NANOGP8: variants seen among roughly 807,000 people sequenced by gnomAD.
NANOGP8 encodes the protein homeobox protein NANOGP8.
For synonymous variants in NANOGP8, 84 were observed against 125.9 expected (o/e 0.67, Z 2.23); for missense variants, 220 against 353.4 (o/e 0.62, Z 3.03).
Position 35,085,174 on chromosome 15 carries a change from T to C in NANOGP8, c.-64A>G. On this transcript the variant is annotated 5_prime_UTR_variant, in exon 1 of 1. Coordinates refer to ENST00000528386, the MANE Select transcript of NANOGP8 (RefSeq NM_001355281.2). ...GGACTGGAAAAAAGGTTAAGGCAGCTTTAAGACTTTTCTGGAAGATGTTAG... is the reference window on the plus strand; with the variant it reads ...GGACTGGAAAAAAGGTTAAGGCAGCCTTAAGACTTTTCTGGAAGATGTTAG... 1 of 881,386 alleles carries C rather than the reference T, an allele frequency of 1.1e-6. No individual in the cohort carries two copies. 54.6% of individuals were successfully genotyped at this position (881,386 alleles called of 1,614,324 possible). A position where few individuals can be genotyped will look rare whatever the true frequency, so the allele number is the denominator to read the frequency against.
Position 35,084,924 on chromosome 15 carries a change from G to C in NANOGP8, c.187C>G (p.Gln63Glu). Reference sequence around the variant, plus strand: ...CTGGTGGAAGAATCAGGGCTGTCCTGAATAAGCAGATCCATGGAGGAAGGA... The same window carrying C: ...CTGGTGGAAGAATCAGGGCTGTCCTCAATAAGCAGATCCATGGAGGAAGGA... Reference protein sequence around the residue: ...PLPSSMDLLIQDSPDSSTSPK... With the variant: ...PLPSSMDLLIEDSPDSSTSPK... Residue 63 changes from glutamine (Q) to glutamate (E), a missense_variant, in exon 1 of 1, where the codon CAG (glutamine) becomes GAG (glutamate). Coordinates refer to ENST00000528386, the MANE Select transcript of NANOGP8 (RefSeq NM_001355281.2). The C allele has an allele frequency of 3.1e-6, 5 of 1,611,960 alleles. No individual in the cohort carries two copies. The highest frequency in any genetic ancestry group is 4.2e-6 in the Non-Finnish European group (5 of 1,179,058).
Position 35,084,690 on chromosome 15 carries a change from T to C in NANOGP8, c.421A>G (p.Thr141Ala), listed in dbSNP as rs552615594. ...ILNLSYKQVK[T>A]WFQNQRMKSK... ...TTCATTCTCTGGTTCTGGAACCAGG[T>C]CTTCACCTGTTTGTAGCTGAGGTTC... The change falls in exon 1 of 1, where the codon ACC (threonine) becomes GCC (alanine). Residue 141 changes from threonine (T) to alanine (A), a missense_variant. By Grantham distance (58) the Thr-to-Ala change is moderately conservative (BLOSUM62 0). Transcript: ENST00000528386. 122 of 1,614,146 alleles carry C rather than the reference T, an allele frequency of 7.6e-5. No homozygotes were observed. In the African/African-American group the frequency reaches 1.5e-3, roughly 20 times the overall value.
In NANOGP8 at chr15:35,085,231, A is replaced by G. The variant is rs2050910479; in HGVS notation, c.-121T>C. 1 of 633,028 alleles carries G rather than the reference A, an allele frequency of 1.6e-6. No homozygotes were observed. The highest frequency in any genetic ancestry group is 2.8e-6 in the Non-Finnish European group (1 of 363,022). The allele number at this position is 633,028 out of a possible 1,614,324, so 39.2% of individuals were successfully genotyped here. A position where few individuals can be genotyped will look rare whatever the true frequency, so the allele number is the denominator to read the frequency against. ...AGGACCTCCAGAAGGAAAAGTATCA[A>G]GAAATTGGGATAAAGTGAGTTGCCT... On this transcript the variant is annotated 5_prime_UTR_variant, in exon 1 of 1. Transcript: ENST00000528386.
Position 35,084,551 on chromosome 15 carries a change from A to T in NANOGP8, c.560T>A (p.Val187Glu). Residue 187 changes from valine to glutamate, a missense_variant, in exon 1 of 1, where the codon GTG (valine) becomes GAG (glutamate). Physicochemically the swap from Val to Glu is moderately radical, Grantham distance 121 (BLOSUM62 -2). Transcript: ENST00000528386. ...LYSSYHQGCL[V>E]NPTGNLPMWS... is the part of the protein sequence containing the mutation. ...CATTGGAAGGTTCCCAGTCGGGTTC[A>T]CCAGGCATCCCTGGTGGTAGGAAGA... 1 of 1,613,580 alleles carries T rather than the reference A, an allele frequency of 6.2e-7. No homozygotes were observed. Among genetic ancestry groups the T allele is most frequent in the South Asian group, 1.1e-5 (1 of 91,014 alleles).
At position 35,084,611 on chromosome 15, in the gene NANOGP8, T is replaced by G. The variant is rs369801105; in HGVS notation, c.500A>C (p.Gln167Pro). The G allele has an allele frequency of 1.9e-6, 3 of 1,614,020 alleles. No homozygotes were observed. Among genetic ancestry groups the G allele is most frequent in the South Asian group, 1.1e-5 (1 of 91,072 alleles). Residue 167 changes from glutamine (Q) to proline (P), a missense_variant, in exon 1 of 1, where the codon CAG (glutamine) becomes CCG (proline). Transcript: ENST00000528386. ...NWPKNSNGVT[Q>P]KASAPTYPSL... ...GGGGTAGGTAGGTGCTGAGGCCTTCTGCGTCACACCATTGCTATTCTTCGG... is the reference window on the plus strand; with the variant it reads ...GGGGTAGGTAGGTGCTGAGGCCTTCGGCGTCACACCATTGCTATTCTTCGG...
Position 35,084,838 on chromosome 15 carries a change from G to T in NANOGP8, c.273C>A (p.Val91=). Residue 91 remains valine (V), a synonymous_variant, in exon 1 of 1, where the codon GTC becomes GTA. Coordinates refer to ENST00000528386, the MANE Select transcript of NANOGP8 (RefSeq NM_001355281.2). ...TTCTGGTCTTCTGTTTCTTGACCGG[G>T]ACCTTGTCTTCCTTTTTTGCGACAC... ...ENSVAKKEDK[V]PVKKQKTRTV... 6.2e-7 allele frequency: 1 copy of T among 1,613,982 alleles called. No homozygotes were observed. The highest frequency in any genetic ancestry group is 1.1e-5 in the South Asian group (1 of 91,070).
In NANOGP8 at chr15:35,083,433, G is replaced by GT. The variant is rs2050898591; in HGVS notation, c.*759dup. On this transcript the variant is annotated 3_prime_UTR_variant, in exon 1 of 1. Coordinates refer to ENST00000528386, the MANE Select transcript of NANOGP8 (RefSeq NM_001355281.2). Reference sequence around the variant, plus strand: ...ATATAGCAAAACAGAGCCAAAAACGGTAAGAAATCAATTAAGTATGTTACA... The same window carrying GT: ...ATATAGCAAAACAGAGCCAAAAACGGTTAAGAAATCAATTAAGTATGTTACA... Among the ~76,000 whole-genome samples, 1 of 152,010 alleles carries GT rather than the reference G, an allele frequency of 6.6e-6. No individual in the cohort carries two copies. Among genetic ancestry groups the GT allele is most frequent in the South Asian group, 2.1e-4 (1 of 4,834 alleles).
rs2050909502 is a variant in NANOGP8, at chr15:35,085,003, T to C, written c.108A>G (p.Pro36=). The C allele has an allele frequency of 7.5e-6, 12 of 1,608,590 alleles. No homozygotes were observed. In the Admixed American group the frequency reaches 1.5e-4, roughly 20 times the overall value. ...TCTCAGCAGAAGACATTTGCAAGGATGGATAGTTTTCTTCAGGCCCACAAA... is the reference window on the plus strand; with the variant it reads ...TCTCAGCAGAAGACATTTGCAAGGACGGATAGTTTTCTTCAGGCCCACAAA... The part of the protein sequence containing the change: ...PVICGPEENY[P]SLQMSSAEMP... The change falls in exon 1 of 1, where the codon CCA becomes CCG. Residue 36 remains proline, a synonymous_variant. Transcript: ENST00000528386.
At position 35,084,815 on chromosome 15, in the gene NANOGP8, C is replaced by T; in HGVS notation, c.296G>A (p.Arg99Lys). 1.2e-6 allele frequency: 2 copies of T among 1,613,984 alleles called. No homozygotes were observed. The highest frequency in any genetic ancestry group is 1.7e-4 in the Middle Eastern group (1 of 6,056). ...CAGCTGGGTGGAAGAGAACACAGTT[C>T]TGGTCTTCTGTTTCTTGACCGGGAC... ...DKVPVKKQKT[R>K]TVFSSTQLCV... Residue 99 changes from arginine (R) to lysine (K), a missense_variant, in exon 1 of 1, where the codon AGA becomes AAA. Transcript: ENST00000528386.
rs2050909522 is a variant in NANOGP8 at position 35,085,007 on chromosome 15, T to A, written c.104A>T (p.Tyr35Phe). The A allele has an allele frequency of 6.2e-7, 1 of 1,608,274 alleles. No homozygotes were observed. The change falls in exon 1 of 1, where the codon TAT (tyrosine) becomes TTT (phenylalanine). Residue 35 changes from tyrosine to phenylalanine, a missense_variant. Transcript: ENST00000528386. ...AGCAGAAGACATTTGCAAGGATGGA[T>A]AGTTTTCTTCAGGCCCACAAATCAC... The part of the protein sequence containing the change: ...MPVICGPEEN[Y>F]PSLQMSSAEM...
rs1271203159 is a variant in NANOGP8, at chr15:35,083,689, T to A, written c.*504A>T. Among the ~76,000 whole-genome samples, 1 of 143,412 alleles carries A rather than the reference T, an allele frequency of 7.0e-6. No homozygotes were observed. Among genetic ancestry groups the A allele is most frequent in the Non-Finnish European group, 1.5e-5 (1 of 65,324 alleles). 94.1% of individuals were successfully genotyped at this position (143,412 alleles called of 152,430 possible). The stretch of plus-strand genomic sequence containing the variant: ...GGCAGGGCGCGGTGGCTCACGCCTG[T>A]AAATCCCAGCTGTTAGGGAGGCCGA... On this transcript the variant is annotated 3_prime_UTR_variant, in exon 1 of 1. Transcript: ENST00000528386.
chr15:35,084,754 G>A lies in NANOGP8; in HGVS notation c.357C>T (p.Tyr119=), dbSNP rs1397547181. 1.1e-5 allele frequency: 17 copies of A among 1,613,978 alleles called. No homozygotes were observed. The highest frequency in any genetic ancestry group is 1.3e-5 in the African/African-American group (1 of 74,940). Residue 119 remains tyrosine (Y), a synonymous_variant, in exon 1 of 1, where the codon TAC becomes TAT. Coordinates refer to ENST00000528386, the MANE Select transcript of NANOGP8 (RefSeq NM_001355281.2). ...GTTCTTGCATCTGCTGGAGGCTGAGGTATTTCTGTCTCTGAAATCTATCAT... is the reference window on the plus strand; with the variant it reads ...GTTCTTGCATCTGCTGGAGGCTGAGATATTTCTGTCTCTGAAATCTATCAT... ...VLNDRFQRQK[Y]LSLQQMQELS...
At position 35,084,480 on chromosome 15, in the gene NANOGP8, G is replaced by C. The variant is rs1339753221; in HGVS notation, c.631C>G (p.Gln211Glu). The C allele has an allele frequency of 9.3e-6, 15 of 1,609,460 alleles. No individual in the cohort carries two copies. The highest frequency in any genetic ancestry group is 1.2e-5 in the Non-Finnish European group (14 of 1,178,216). The stretch of plus-strand genomic sequence containing the variant: ...TGGTTGCTCCAGGACTGGATGTTCT[G>C]GGTCTGGTTGCTCCAGGTTGAATTG... Reference protein sequence around the residue: ...WNNSTWSNQTQNIQSWSNHSW... With the variant: ...WNNSTWSNQTENIQSWSNHSW... The change falls in exon 1 of 1, where the codon CAG becomes GAG. Residue 211 changes from glutamine to glutamate, a missense_variant. By Grantham distance (29) the Gln-to-Glu change is conservative (BLOSUM62 2). Coordinates refer to ENST00000528386, the MANE Select transcript of NANOGP8 (RefSeq NM_001355281.2).
At position 35,085,253 on chromosome 15, in the gene NANOGP8, G is replaced by C. The variant is rs868156824; in HGVS notation, c.-143C>G. On this transcript the variant is annotated 5_prime_UTR_variant, in exon 1 of 1. Coordinates refer to ENST00000528386, the MANE Select transcript of NANOGP8 (RefSeq NM_001355281.2). The stretch of plus-strand genomic sequence containing the variant: ...TCAAGAAATTGGGATAAAGTGAGTT[G>C]CCTGCATAATAACATGAGGCAACCA... The C allele has an allele frequency of 3.2e-5, 20 of 620,280 alleles. No individual in the cohort carries two copies. The highest frequency in any genetic ancestry group is 4.8e-5 in the Non-Finnish European group (17 of 352,890). The allele number at this position is 620,280 out of a possible 1,614,324, so 38.4% of individuals were successfully genotyped here.
Position 35,084,773 on chromosome 15 carries a change from C to T in NANOGP8, c.338G>A (p.Arg113Lys). The T allele has an allele frequency of 1.2e-6, 2 of 1,614,054 alleles. No homozygotes were observed. The highest frequency in any genetic ancestry group is 1.1e-5 in the South Asian group (1 of 91,080). Residue 113 changes from arginine (R) to lysine (K), a missense_variant, in exon 1 of 1, where the codon AGA (arginine) becomes AAA (lysine). Transcript: ENST00000528386. ...GCTGAGGTATTTCTGTCTCTGAAAT[C>T]TATCATTGAGTACACACAGCTGGGT... ...SSTQLCVLND[R>K]FQRQKYLSLQ...
At position 35,084,956 on chromosome 15, in the gene NANOGP8, G is replaced by T. The variant is rs2050909340; in HGVS notation, c.155C>A (p.Ser52Tyr). 3.7e-6 allele frequency: 6 copies of T among 1,611,688 alleles called. No homozygotes were observed. The highest frequency in any genetic ancestry group is 5.1e-6 in the Non-Finnish European group (6 of 1,179,194). Residue 52 changes from serine (S) to tyrosine (Y), a missense_variant, in exon 1 of 1, where the codon TCT becomes TAT. Transcript: ENST00000528386. ...SAEMPHTETV[S>Y]PLPSSMDLLI... ...CAGATCCATGGAGGAAGGAAGAGGA[G>T]AGACAGTCTCTGTGTGAGGCATCTC...
chr15:35,085,220 GA>G lies in NANOGP8; in HGVS notation c.-111del, dbSNP rs1314284126. ...GTTAGAGAAATAGGACCTCCAGAAG[GA>G]AAAGTATCAAGAAATTGGGATAAAG... is the stretch of plus-strand genomic sequence containing the variant. On this transcript the variant is annotated 5_prime_UTR_variant, in exon 1 of 1. It introduces an in-frame stop codon into an upstream open reading frame of the 5' UTR. Coordinates refer to ENST00000528386, the MANE Select transcript of NANOGP8 (RefSeq NM_001355281.2). 1.5e-6 allele frequency: 1 copy of G among 647,600 alleles called. No homozygotes were observed. The highest frequency in any genetic ancestry group is 2.7e-6 in the Non-Finnish European group (1 of 375,040). 40.1% of individuals were successfully genotyped at this position (647,600 alleles called of 1,614,324 possible).
chr15:35,083,732 G>A lies in NANOGP8; in HGVS notation c.*461C>T, dbSNP rs2050900508. The stretch of plus-strand genomic sequence containing the variant: ...GAGGCCGAGGCGGGCGGATCACAAG[G>A]TCAGGAGATCGAGACCATCCTGGCT... On this transcript the variant is annotated 3_prime_UTR_variant, in exon 1 of 1. Coordinates refer to ENST00000528386, the MANE Select transcript of NANOGP8 (RefSeq NM_001355281.2). Among the ~76,000 whole-genome samples the A allele has an allele frequency of 6.6e-6, 1 of 151,886 alleles. No individual in the cohort carries two copies. Among genetic ancestry groups the A allele is most frequent in the South Asian group, 2.1e-4 (1 of 4,822 alleles).
At position 35,084,572 on chromosome 15, in the gene NANOGP8, G is replaced by A; in HGVS notation, c.539C>T (p.Ser180Phe). The A allele has an allele frequency of 1.9e-6, 3 of 1,613,894 alleles. No individual in the cohort carries two copies. Among genetic ancestry groups the A allele is most frequent in the Non-Finnish European group, 2.5e-6 (3 of 1,179,820 alleles). Residue 180 changes from serine to phenylalanine, a missense_variant, in exon 1 of 1, where the codon TCC (serine) becomes TTC (phenylalanine). By Grantham distance (155) the Ser-to-Phe change is radical. Transcript: ENST00000528386. ...GTTCACCAGGCATCCCTGGTGGTAGGAAGAGTAGAGGCTGGGGTAGGTAGG... is the reference window on the plus strand; with the variant it reads ...GTTCACCAGGCATCCCTGGTGGTAGAAAGAGTAGAGGCTGGGGTAGGTAGG... Reference protein sequence around the residue: ...SAPTYPSLYSSYHQGCLVNPT... With the variant: ...SAPTYPSLYSFYHQGCLVNPT...
Sources: gnomAD v4.1 joint callset for allele counts (sites outside exome capture counted in the v4.1 genomes callset) on GRCh38, gnomAD v4.1.1 for gene constraint, MANE v1.5 for transcripts, NCBI Gene and HGNC (gene_info 2026-07-23, HGNC 2026-07-21) for gene names.